Variants in RAPGEF2 observed in about 807,000 individuals in gnomAD.
RAPGEF2 encodes the protein Rap guanine nucleotide exchange factor 2.
Under a neutral mutation model 186.7 loss-of-function variants are expected in RAPGEF2, and 54 were observed. That is an observed-to-expected ratio of 0.29 (90% CI 0.23 to 0.36). The LOEUF (loss-of-function observed/expected upper bound fraction) is 0.36, where lower values mean the gene tolerates loss of function less well. Among genes scored for constraint, RAPGEF2 ranks in the 10% least tolerant of loss-of-function variants. The probability of loss-of-function intolerance (pLI) is 1.00; values close to 1 mark genes in which losing one functional copy is unlikely to be tolerated. For synonymous variants in RAPGEF2, 712 were observed against 705.9 expected, an observed-to-expected ratio of 1.01 and a Z score of -0.14; for missense variants, 1,532 against 2,045.0, an observed-to-expected ratio of 0.75 and a Z score of 4.84.
At chr4:159,241,537 AAAAT>A (rs1034302978) in intron 6 of RAPGEF2, among the ~76,000 whole-genome samples, 169 bp downstream of exon 6, 5 of 148,452 alleles carry the variant, frequency 3.4e-5, no homozygotes, top group African/African-American at 7.3e-5. Flanking sequence ...AATAAATATA[AAAAT>A]AAATATATAA....
chr4:159,296,401 T>A (rs1447879211), intron 7 of RAPGEF2, among the ~76,000 whole-genome samples: 1 of 152,246 alleles, frequency 6.6e-6, no homozygotes, highest in Non-Finnish European at 1.5e-5. Context: ...ATTTCACTAG[T>A]AATTTGATCT....
At chr4:159,188,688 A>G (rs1016759273) in intron 2 of RAPGEF2, among the ~76,000 whole-genome samples, 1 of 151,928 alleles carries the variant, frequency 6.6e-6, no homozygotes, top group Admixed American at 6.6e-5. Context: ...AGAAAAGAAA[A>G]AAAAGAAAAG....
intron 7 of RAPGEF2, among the ~76,000 whole-genome samples, chr4:159,301,346 G>C (rs985046426): frequency 6.6e-6 from 1 of 152,128 alleles, no homozygotes; most frequent in African/African-American, 2.4e-5. Context: ...ACCCCACCCG[G>C]GGCGAGGTGA....
Position 159,332,581 on chromosome 4 carries a change from G to T in RAPGEF2, c.2019G>T (p.Val673=), listed in dbSNP as rs200203156. ...ATCTTGCTGTAGATGTAGAACAGGT[G>T]ATAGGACTTGAAAAAGTGAACAAAA... ...IPDLAVDVEQ[V]IGLEKVNKKS... The change falls in exon 17 of 30, where the codon GTG becomes GTT. Residue 673 remains valine (V), a synonymous_variant. Transcript: ENST00000691494. The T allele has an allele frequency of 1.2e-5, 19 of 1,614,152 alleles. No homozygotes were observed. The Admixed American group carries it at 1.3e-4, about 11-fold the overall frequency.
intron 1 of RAPGEF2, among the ~76,000 whole-genome samples, chr4:159,183,125 T>C (rs1206188425): frequency 6.6e-6 from 1 of 152,186 alleles, no homozygotes; most frequent in African/African-American, 2.4e-5. Flanking sequence ...AAATCTCTTG[T>C]GAAAGGTAGA....
chr4:159,198,235 TCTTTCTTTCTTC>T, intron 3 of RAPGEF2, among the ~76,000 whole-genome samples: 1 of 126,560 alleles, frequency 7.9e-6, no homozygotes, highest in Non-Finnish European at 1.7e-5. Flanking sequence ...TATTTTCTTT[TCTTTCTTTCTTC>T]CTTTCTTTCT....
At chr4:159,342,051 A>G (rs980933163) in intron 20 of RAPGEF2, 104 bp downstream of exon 20, 25 of 1,129,544 alleles carry the variant, frequency 2.2e-5, no homozygotes, top group Non-Finnish European at 3.1e-5. Flanking sequence ...ATAGGTTTTA[A>G]TTGACTCATA....
intron 28 of RAPGEF2, among the ~76,000 whole-genome samples, chr4:159,355,071 G>A (rs1232417456): frequency 6.6e-6 from 1 of 152,076 alleles, no homozygotes; most frequent in African/African-American, 2.4e-5. Flanking sequence ...AATATTCTTA[G>A]GTTGGACTTT....
chr4:159,347,781 T>C (rs1163043773), intron 25 of RAPGEF2, among the ~76,000 whole-genome samples: 1 of 152,126 alleles, frequency 6.6e-6, no homozygotes, highest in East Asian at 1.9e-4. Context: ...AGCGAGACTG[T>C]CTCAAAAAGA....
At chr4:159,297,971 C>T (rs558332241) in intron 7 of RAPGEF2, among the ~76,000 whole-genome samples, 1 of 152,164 alleles carries the variant, frequency 6.6e-6, no homozygotes, top group African/African-American at 2.4e-5. Flanking sequence ...AAGATTAATC[C>T]GTATATGGCT....
intron 7 of RAPGEF2, among the ~76,000 whole-genome samples, chr4:159,303,803 A>C (rs1762958576): frequency 6.6e-6 from 1 of 152,258 alleles, no homozygotes; most frequent in East Asian, 1.9e-4. Context: ...GTTGTCCATA[A>C]CTTTCTCAAT....
intron 1 of RAPGEF2, among the ~76,000 whole-genome samples, chr4:159,164,247 G>A (rs915732227): frequency 4.0e-5 from 6 of 150,402 alleles, no homozygotes; most frequent in Non-Finnish European, 7.4e-5. Context: ...CTTGTGATCC[G>A]CCCGCCTCAG....
In RAPGEF2 at chr4:159,104,231, G is replaced by A. The variant is rs1211087498; in HGVS notation, c.69G>A (p.Gln23=). 2.2e-6 allele frequency: 3 copies of A among 1,343,274 alleles called. No homozygotes were observed. The highest frequency in any genetic ancestry group is 2.9e-6 in the Non-Finnish European group (3 of 1,049,280). The allele number at this position is 1,343,274 out of a possible 1,614,324, so 83.2% of individuals were successfully genotyped here. Residue 23 remains glutamine, a splice_region_variant and synonymous_variant, in exon 1 of 30, where the codon CAG becomes CAA. Transcript: ENST00000691494. The part of the protein sequence containing the change: ...VMKNPPERTP[Q]DLEIVYSYLH... ...AGAATCCCCCCGAAAGGACCCCCCAGGTGAGAACGCGGCGGCCGCCTGCCC... is the reference window on the plus strand; with the variant it reads ...AGAATCCCCCCGAAAGGACCCCCCAAGTGAGAACGCGGCGGCCGCCTGCCC...
In RAPGEF2 at chr4:159,353,370, G is replaced by A. The variant is rs1420290831; in HGVS notation, c.4092-117G>A. 6 of 787,310 alleles carry A rather than the reference G, an allele frequency of 7.6e-6. No individual in the cohort carries two copies. Among genetic ancestry groups the A allele is most frequent in the Non-Finnish European group, 1.1e-5 (6 of 545,774 alleles). The allele number at this position is 787,310 out of a possible 1,614,324, so 48.8% of individuals were successfully genotyped here. On this transcript the variant is annotated intron_variant, in intron 27 of 29. Coordinates refer to ENST00000691494, the MANE Select transcript of RAPGEF2 (RefSeq NM_001394067.2). This position sits in a 1 kb window ranked among gnomAD's most constrained non-coding sequence, Gnocchi z 4.3. The stretch of plus-strand genomic sequence containing the variant: ...GGCAATTCAGTGCTACTTTTATCCT[G>A]TTTCTGGGATGAAAGCAAGCTACCT...
intron 4 of RAPGEF2, among the ~76,000 whole-genome samples, chr4:159,214,468 A>T (rs1750818723): frequency 6.6e-6 from 1 of 152,052 alleles, no homozygotes; most frequent in South Asian, 2.1e-4. Context: ...ATGCTATTGT[A>T]CCTAATGGAT....
At chr4:159,119,152 A>ATG (rs1203178660) in intron 1 of RAPGEF2, among the ~76,000 whole-genome samples, 1 of 152,138 alleles carries the variant, frequency 6.6e-6, no homozygotes. Context: ...TTTTTTATAT[A>ATG]CAAGAAAAAT....
chr4:159,213,650 A>G (rs986037961), intron 4 of RAPGEF2, among the ~76,000 whole-genome samples: 1 of 152,112 alleles, frequency 6.6e-6, no homozygotes, highest in African/African-American at 2.4e-5. Context: ...TTAAGTCAGC[A>G]TTTTATGTTT....
chr4:159,119,559 C>T (rs1044581138), intron 1 of RAPGEF2, among the ~76,000 whole-genome samples: 1 of 152,118 alleles, frequency 6.6e-6, no homozygotes, highest in Non-Finnish European at 1.5e-5. Flanking sequence ...TGCAGTGATT[C>T]TCAGGAGACC....
chr4:159,165,001 A>T (rs894209378), intron 1 of RAPGEF2, among the ~76,000 whole-genome samples: 1 of 152,190 alleles, frequency 6.6e-6, no homozygotes, highest in Non-Finnish European at 1.5e-5. Flanking sequence ...TTAGTAGAGG[A>T]ATATATTCTG....
Sources: allele counts gnomAD v4.1 joint callset (sites outside exome capture counted in the v4.1 genomes callset), GRCh38; gene constraint gnomAD v4.1.1; non-coding constraint Gnocchi (gnomAD v3.1); transcripts MANE v1.5; gene names NCBI Gene and HGNC (gene_info 2026-07-23, HGNC 2026-07-21).